The following PLCL1 variants were observed in gnomAD, a reference collection of about 807,000 sequenced individuals.
PLCL1 encodes the protein phospholipase C like 1 (inactive).
Under a neutral mutation model 84.4 loss-of-function variants are expected in PLCL1, and 41 were observed. The observed-to-expected ratio is 0.49, with a 90% CI of 0.38 to 0.63. The LOEUF (loss-of-function observed/expected upper bound fraction) is 0.63, where lower values mean the gene tolerates loss of function less well. PLCL1 is among the 30% of genes least tolerant of loss of function. The probability of loss-of-function intolerance (pLI) is 0.00; values close to 1 mark genes in which losing one functional copy is unlikely to be tolerated. For missense variants in PLCL1, 1,206 were observed against 1,367.8 expected, an observed-to-expected ratio of 0.88 and a Z score of 1.87; for synonymous variants, 490 against 488.3, an observed-to-expected ratio of 1.00 and a Z score of -0.05.
chr2:197,958,581 T>A (rs1280984506), intron 1 of PLCL1, among the ~76,000 whole-genome samples: 5 of 152,060 alleles, frequency 3.3e-5, no homozygotes, highest in Non-Finnish European at 7.4e-5. Flanking sequence ...TATTTCAAAA[T>A]CTTTCAAGTG....
chr2:198,130,721 T>A (rs1478939465), intron 5 of PLCL1, among the ~76,000 whole-genome samples: 1 of 152,082 alleles, frequency 6.6e-6, no homozygotes, highest in Non-Finnish European at 1.5e-5. Flanking sequence ...CCTTGATCCT[T>A]TTCTTAACTC....
chr2:197,850,085 C>CAG (rs1187933929), intron 1 of PLCL1, among the ~76,000 whole-genome samples: 1 of 150,826 alleles, frequency 6.6e-6, no homozygotes, highest in Non-Finnish European at 1.5e-5. Flanking sequence ...CACACGACTG[C>CAG]AGCCAGGAAG....
chr2:197,858,580 T>G (rs141341017), intron 1 of PLCL1, among the ~76,000 whole-genome samples: 58 of 152,342 alleles, frequency 3.8e-4, no homozygotes, highest in Non-Finnish European at 4.1e-4. Flanking sequence ...TTTTTCCTAA[T>G]GAAAGCTTCC....
intron 1 of PLCL1, among the ~76,000 whole-genome samples, chr2:197,975,063 C>T (rs1282575725): frequency 1.3e-5 from 2 of 150,370 alleles, no homozygotes; most frequent in Non-Finnish European, 3.0e-5. Context: ...ATGGCGTGAA[C>T]CCGGGAAGCG....
At chr2:197,927,449 G>C (rs1459794478) in intron 1 of PLCL1, among the ~76,000 whole-genome samples, 1 of 152,128 alleles carries the variant, frequency 6.6e-6, no homozygotes, top group African/African-American at 2.4e-5. Flanking sequence ...AGAAGAATTT[G>C]GTTGATATGT....
At chr2:197,818,361 C>G (rs970699740) in intron 1 of PLCL1, among the ~76,000 whole-genome samples, 1 of 152,070 alleles carries the variant, frequency 6.6e-6, no homozygotes, top group Non-Finnish European at 1.5e-5. Context: ...TTGCCCAAAC[C>G]CTTTTCCCCA....
At chr2:197,908,644 A>G (rs1574943418) in intron 1 of PLCL1, among the ~76,000 whole-genome samples, 2 of 152,204 alleles carry the variant, frequency 1.3e-5, no homozygotes, top group East Asian at 3.8e-4. Flanking sequence ...TCAGCTAAAC[A>G]TAAATGTTAA....
rs1305725285 is a variant in PLCL1, at chr2:197,804,900, C to A, written c.-200C>A. On this transcript the variant is annotated 5_prime_UTR_variant, in exon 1 of 6. Transcript: ENST00000428675. Reference sequence around the variant, plus strand: ...ACTGCTAGCCTCCTAGACCGAAGCCCGAGGACGTCTCTGCCCGAGCGATGT... The same window carrying A: ...ACTGCTAGCCTCCTAGACCGAAGCCAGAGGACGTCTCTGCCCGAGCGATGT... 7.5e-6 allele frequency: 4 copies of A among 530,726 alleles called. No homozygotes were observed. The highest frequency in any genetic ancestry group is 1.3e-5 in the Non-Finnish European group (4 of 315,996). The allele number at this position is 530,726 out of a possible 1,614,324, so 32.9% of individuals were successfully genotyped here.
chr2:197,967,868 G>A (rs1018995113), intron 1 of PLCL1, among the ~76,000 whole-genome samples: 1 of 152,076 alleles, frequency 6.6e-6, no homozygotes, highest in African/African-American at 2.4e-5. Flanking sequence ...TAACTCAAAG[G>A]CCTGATCCAT....
chr2:197,872,125 C>A (rs1342108943), intron 1 of PLCL1, among the ~76,000 whole-genome samples: 2 of 152,094 alleles, frequency 1.3e-5, no homozygotes, highest in African/African-American at 2.4e-5. Flanking sequence ...ATTTAAAAAG[C>A]CAGTTGACCT....
At chr2:197,939,293 C>T (rs1689110074) in intron 1 of PLCL1, among the ~76,000 whole-genome samples, 1 of 152,128 alleles carries the variant, frequency 6.6e-6, no homozygotes, top group African/African-American at 2.4e-5. Flanking sequence ...CCTGAATGCA[C>T]ATTAGAATGA....
At chr2:198,104,163 G>A (rs1017716370) in intron 5 of PLCL1, among the ~76,000 whole-genome samples, 17 of 151,762 alleles carry the variant, frequency 1.1e-4, no homozygotes, top group Admixed American at 9.9e-4. Flanking sequence ...GTATGCAATA[G>A]GTAGTTTTTT....
intron 1 of PLCL1, among the ~76,000 whole-genome samples, chr2:198,031,361 C>A (rs1246373610): frequency 2.0e-5 from 3 of 151,920 alleles, no homozygotes; most frequent in African/African-American, 7.3e-5. Flanking sequence ...GAGCAAGAGG[C>A]CCCGTGTCTT....
chr2:198,023,527 T>C (rs905641304), intron 1 of PLCL1, among the ~76,000 whole-genome samples: 1 of 152,182 alleles, frequency 6.6e-6, no homozygotes, highest in African/African-American at 2.4e-5. Flanking sequence ...ATCCGGAATC[T>C]ACAAGGAACT....
intron 1 of PLCL1, chr2:197,810,204 C>G: frequency 1.5e-6 from 1 of 646,376 alleles, no homozygotes; most frequent in Non-Finnish European, 2.3e-6. Flanking sequence ...GTTACTTTCT[C>G]TCAAATTGCC....
At chr2:197,986,834 A>G (rs1267345941) in intron 1 of PLCL1, among the ~76,000 whole-genome samples, 9 of 152,218 alleles carry the variant, frequency 5.9e-5, no homozygotes, top group Admixed American at 5.2e-4. Flanking sequence ...TTGGTGCTTT[A>G]GAGTTTACAA....
chr2:197,852,201 G>T (rs1323186981), intron 1 of PLCL1, among the ~76,000 whole-genome samples: 1 of 151,980 alleles, frequency 6.6e-6, no homozygotes, highest in East Asian at 1.9e-4. Context: ...TCAATTCCTG[G>T]CACCTCCTGT....
In PLCL1 at chr2:197,967,861, C is replaced by T. The variant is rs372652554; in HGVS notation, c.241-115897C>T. Reference sequence around the variant, plus strand: ...AGAAATTATATGCTCCCTCATATAACTCAAAGGCCTGATCCATCAAAGCTA... The same window carrying T: ...AGAAATTATATGCTCCCTCATATAATTCAAAGGCCTGATCCATCAAAGCTA... On this transcript the variant is annotated intron_variant, in intron 1 of 5. Coordinates refer to ENST00000428675, the MANE Select transcript of PLCL1 (RefSeq NM_006226.4). Among the ~76,000 whole-genome samples the T allele has an allele frequency of 9.9e-5, 15 of 152,256 alleles. No homozygotes were observed. The East Asian group carries it at 2.7e-3, about 27-fold the overall frequency.
intron 5 of PLCL1, among the ~76,000 whole-genome samples, chr2:198,118,984 T>A (rs1000625157): frequency 2.6e-5 from 4 of 152,042 alleles, no homozygotes; most frequent in African/African-American, 7.2e-5. Context: ...CAGTAGTGTG[T>A]CTTCATGTGA....
Sources: gnomAD v4.1 joint callset for allele counts (sites outside exome capture counted in the v4.1 genomes callset) on GRCh38, gnomAD v4.1.1 for gene constraint, MANE v1.5 for transcripts, NCBI Gene and HGNC (gene_info 2026-07-23, HGNC 2026-07-21) for gene names.